Variants in RMST observed in about 807,000 individuals in gnomAD.
The protein encoded by RMST is long intergenic non-protein coding RNA 54.
At chr12:97,539,556 C>T (rs1882343372) in intron 11 of RMST, among the ~76,000 whole-genome samples, 1 of 151,696 alleles carries the variant, frequency 6.6e-6, no homozygotes, top group African/African-American at 2.4e-5. Flanking sequence ...CCTAAAAGTA[C>T]AGCAATCTAT....
chr12:97,485,837 C>G (rs1280066939), intron 5 of RMST, among the ~76,000 whole-genome samples: 1 of 152,212 alleles, frequency 6.6e-6, no homozygotes, highest in Non-Finnish European at 1.5e-5. Context: ...GGCATTTCAG[C>G]AAGCCTTGGG....
chr12:97,536,911 G>C (rs1402129532), intron 11 of RMST, among the ~76,000 whole-genome samples: 3 of 151,334 alleles, frequency 2.0e-5, no homozygotes, highest in Non-Finnish European at 4.4e-5. Flanking sequence ...TCACAACAAT[G>C]AAACTAGTTT....
At chr12:97,507,821 G>C (rs753580916) in intron 10 of RMST, among the ~76,000 whole-genome samples, 5 of 152,122 alleles carry the variant, frequency 3.3e-5, no homozygotes, top group Non-Finnish European at 7.4e-5. Flanking sequence ...ATCTAACCTG[G>C]GAGAATGAAT....
exon 14 of RMST, chr12:97,564,412 A>G (rs1419475480): frequency 6.5e-6 from 1 of 153,870 alleles, no homozygotes; most frequent in Non-Finnish European, 1.4e-5. Context: ...GTGTGGTACA[A>G]TGGGGAACAC....
At chr12:97,551,977 A>AAT in intron 11 of RMST, 1 of 152,212 alleles carries the variant, frequency 6.6e-6, no homozygotes, top group Non-Finnish European at 1.5e-5. Context: ...TGGATGAACG[A>AAT]TTAAAATGAA....
At chr12:97,551,071 T>C (rs1043287935) in intron 11 of RMST, among the ~76,000 whole-genome samples, 1 of 151,828 alleles carries the variant, frequency 6.6e-6, no homozygotes, top group Admixed American at 6.6e-5. Context: ...CCAAAGACCA[T>C]ATTCTTTCTA....
At chr12:97,547,220 A>C (rs571922505) in intron 11 of RMST, among the ~76,000 whole-genome samples, 2 of 148,174 alleles carry the variant, frequency 1.3e-5, no homozygotes, top group Admixed American at 6.7e-5. Context: ...ATAATATAAT[A>C]AAAATATGTA....
At chr12:97,478,385 G>C (rs1874810125) in intron 5 of RMST, among the ~76,000 whole-genome samples, 1 of 152,166 alleles carries the variant, frequency 6.6e-6, no homozygotes, top group Admixed American at 6.5e-5. Flanking sequence ...GAAAATTCTG[G>C]TAGAGGAAAC....
intron 5 of RMST, among the ~76,000 whole-genome samples, chr12:97,487,401 T>C (rs1408171273): frequency 1.3e-5 from 2 of 152,182 alleles, no homozygotes; most frequent in African/African-American, 4.8e-5. Context: ...GGAGTATCCT[T>C]TCCAAAACTT....
At chr12:97,501,741 C>T (rs1878098237) in intron 10 of RMST, among the ~76,000 whole-genome samples, 1 of 152,176 alleles carries the variant, frequency 6.6e-6, no homozygotes. Context: ...TGGTTAGTGT[C>T]ATTCAGGGGA....
At chr12:97,490,752 T>C (rs1006051114) in intron 5 of RMST, among the ~76,000 whole-genome samples, 3 of 152,196 alleles carry the variant, frequency 2.0e-5, no homozygotes, top group African/African-American at 7.2e-5. Flanking sequence ...AGCAACTAGA[T>C]TTCTTTTGTT....
chr12:97,463,179 G>C, exon 4 of RMST: 1 of 152,250 alleles, frequency 6.6e-6, no homozygotes, highest in African/African-American at 2.4e-5. Flanking sequence ...GAGTGTCACA[G>C]CTGTAACTGA....
chr12:97,552,817 C>T (rs1295238611), intron 11 of RMST, among the ~76,000 whole-genome samples: 4 of 152,144 alleles, frequency 2.6e-5, no homozygotes, highest in African/African-American at 7.2e-5. Flanking sequence ...TAGTGCCTCT[C>T]GAGTTACAAG....
chr12:97,486,066 C>G (rs1262439008), intron 5 of RMST, among the ~76,000 whole-genome samples: 2 of 152,160 alleles, frequency 1.3e-5, no homozygotes, highest in East Asian at 1.9e-4. Flanking sequence ...ACAATACTAG[C>G]AAGACCATGA....
chr12:97,469,208 T>A (rs78079939), intron 5 of RMST, among the ~76,000 whole-genome samples: 31,059 of 149,580 alleles, frequency 0.21, 3,314 homozygotes, highest in African/African-American at 0.24. Context: ...ACACATTTAC[T>A]ATATATATAA....
chr12:97,492,985 A>G (rs550511535), intron 6 of RMST: 110 of 152,332 alleles, frequency 7.2e-4, no homozygotes, highest in Non-Finnish European at 1.4e-3. Context: ...TAAGAAAGTT[A>G]TGTTCAAATT....
intron 5 of RMST, among the ~76,000 whole-genome samples, chr12:97,481,251 T>C (rs1454747727): frequency 6.6e-6 from 1 of 152,228 alleles, no homozygotes; most frequent in African/African-American, 2.4e-5. Flanking sequence ...ACTTTATGTA[T>C]ATTTTACTCC....
intron 11 of RMST, among the ~76,000 whole-genome samples, chr12:97,549,988 A>G (rs1455981588): frequency 6.6e-6 from 1 of 152,228 alleles, no homozygotes; most frequent in East Asian, 1.9e-4. Flanking sequence ...TTTATATGCC[A>G]AGAGGCCACA....
At chr12:97,536,879 C>T (rs879285499) in intron 11 of RMST, among the ~76,000 whole-genome samples, 2 of 151,466 alleles carry the variant, frequency 1.3e-5, no homozygotes, top group Admixed American at 1.3e-4. Flanking sequence ...ACTTGTTGGT[C>T]ACTAGTTAGC....
Sources: allele counts gnomAD v4.1 joint callset (sites outside exome capture counted in the v4.1 genomes callset), GRCh38; gene constraint gnomAD v4.1.1; transcripts MANE v1.5; gene names NCBI Gene and HGNC (gene_info 2026-07-23, HGNC 2026-07-21).